Variants in HBS1L observed in about 807,000 individuals in gnomAD.
The protein encoded by HBS1L is HBS1 like translational GTPase.
A neutral mutation model predicts 88.9 loss-of-function variants in HBS1L; 55 were observed. The observed-to-expected ratio is 0.62, with a 90% confidence interval of 0.50 to 0.77. The LOEUF (loss-of-function observed/expected upper bound fraction) is 0.77, where lower values mean the gene tolerates loss of function less well. HBS1L is among the 30% of genes least tolerant of loss of function. The probability of loss-of-function intolerance (pLI) is 0.00; values close to 1 mark genes in which losing one functional copy is unlikely to be tolerated. For synonymous variants in HBS1L, 267 were observed against 288.5 expected, an observed-to-expected ratio of 0.93 and a Z score of 0.76; for missense variants, 741 against 829.3, an observed-to-expected ratio of 0.89 and a Z score of 1.31.
At chr6:135,021,813 T>G (rs530395100) in intron 4 of HBS1L, among the ~76,000 whole-genome samples, 1 of 152,330 alleles carries the variant, frequency 6.6e-6, no homozygotes, top group South Asian at 2.1e-4. Flanking sequence ...TTATTTTATA[T>G]GAGCCTCACC....
chr6:134,965,313 G>A, intron 17 of HBS1L, 23 bp from the exon 18 acceptor site: 7 of 1,419,470 alleles, frequency 4.9e-6, no homozygotes, highest in East Asian at 2.3e-5. Context: ...AAAAAAAAAA[G>A]ACATTTGCTG....
intron 3 of HBS1L, among the ~76,000 whole-genome samples, 194 bp from the exon 4 acceptor site, chr6:135,039,961 G>A (rs1412634778): frequency 1.3e-5 from 2 of 152,006 alleles, no homozygotes; most frequent in East Asian, 1.9e-4. Flanking sequence ...GAACGATTTC[G>A]TTAATTTAAA....
intron 4 of HBS1L, among the ~76,000 whole-genome samples, 168 bp from the exon 5 acceptor site, chr6:135,003,010 TTC>T (rs949087862): frequency 6.6e-6 from 1 of 152,180 alleles, no homozygotes; most frequent in Non-Finnish European, 1.5e-5. Flanking sequence ...CTGAAAGAAA[TTC>T]TGTCACTTTA....
intron 4 of HBS1L, among the ~76,000 whole-genome samples, chr6:135,038,509 C>T (rs1342181901): frequency 6.6e-6 from 1 of 152,200 alleles, no homozygotes; most frequent in East Asian, 1.9e-4. Flanking sequence ...GACTCATTCC[C>T]ATCACAGCCA....
At chr6:135,020,639 C>A (rs1311701970) in intron 4 of HBS1L, among the ~76,000 whole-genome samples, 1 of 151,918 alleles carries the variant, frequency 6.6e-6, no homozygotes, top group Non-Finnish European at 1.5e-5. Context: ...TTAAATTTAA[C>A]AATTAGTATA....
intron 2 of HBS1L, among the ~76,000 whole-genome samples, chr6:135,046,429 T>C (rs1776914268): frequency 1.3e-5 from 2 of 152,156 alleles, no homozygotes; most frequent in African/African-American, 4.8e-5. Flanking sequence ...CTTCTAATCA[T>C]ATTAGCTGAA....
intron 12 of HBS1L, among the ~76,000 whole-genome samples, chr6:134,984,619 G>A (rs566638186): frequency 7.6e-4 from 116 of 152,166 alleles, no homozygotes; most frequent in Non-Finnish European, 5.9e-5. Flanking sequence ...TTTTATTATT[G>A]TAATAATAAA....
chr6:135,019,584 T>C (rs1218567481), intron 4 of HBS1L, among the ~76,000 whole-genome samples: 1 of 151,952 alleles, frequency 6.6e-6, no homozygotes, highest in Non-Finnish European at 1.5e-5. Context: ...GGCGTAATCC[T>C]TATTTCAACC....
chr6:135,037,600 G>C, intron 4 of HBS1L: 2 of 1,547,484 alleles, frequency 1.3e-6, no homozygotes, highest in South Asian at 2.4e-5. Context: ...TATGATTATG[G>C]TCTTTAAATC....
chr6:135,045,485 T>C (rs959743266), intron 2 of HBS1L, among the ~76,000 whole-genome samples: 2 of 152,204 alleles, frequency 1.3e-5, no homozygotes, highest in African/African-American at 4.8e-5. Context: ...TCTAGGCTTC[T>C]TCCCCGGGAG....
chr6:135,054,774 C>T lies in HBS1L; in HGVS notation c.-83G>A. ...GATACTGATAAGGCGCCAACTGCAGCCTGGAGAACCCCTATGCGCCATCTT... is the reference window on the plus strand; with the variant it reads ...GATACTGATAAGGCGCCAACTGCAGTCTGGAGAACCCCTATGCGCCATCTT... On this transcript the variant is annotated 5_prime_UTR_variant, in exon 1 of 18. Transcript: ENST00000367837. 1 of 1,522,708 alleles carries T rather than the reference C, an allele frequency of 6.6e-7. No individual in the cohort carries two copies. The highest frequency in any genetic ancestry group is 9.0e-7 in the Non-Finnish European group (1 of 1,107,870). 94.3% of individuals were successfully genotyped at this position (1,522,708 alleles called of 1,614,324 possible).
intron 12 of HBS1L, among the ~76,000 whole-genome samples, chr6:134,984,306 C>T (rs1774917505): frequency 2.0e-5 from 3 of 151,902 alleles, no homozygotes. Flanking sequence ...TTTTTTTATT[C>T]ATGTGTTAAA....
chr6:135,022,306 G>T (rs545109069), intron 4 of HBS1L, among the ~76,000 whole-genome samples: 1 of 144,750 alleles, frequency 6.9e-6, no homozygotes, highest in Non-Finnish European at 1.5e-5. Context: ...CATGTGATTA[G>T]AATTTGTAAG....
At chr6:135,037,357 T>C (rs1199699275) in intron 4 of HBS1L, 4 of 1,551,570 alleles carry the variant, frequency 2.6e-6, no homozygotes, top group African/African-American at 1.4e-5. Context: ...CTGAGAAAAC[T>C]GCAAATTATC....
chr6:134,985,946 G>T, intron 11 of HBS1L, 120 bp downstream of exon 11: 1 of 629,008 alleles, frequency 1.6e-6, no homozygotes, highest in African/African-American at 1.9e-5. Context: ...AGGTAACTTA[G>T]TTCCTCCGAC....
At chr6:134,990,947 T>C (rs982048408) in intron 8 of HBS1L, among the ~76,000 whole-genome samples, 5 of 152,082 alleles carry the variant, frequency 3.3e-5, no homozygotes, top group Non-Finnish European at 7.4e-5. Flanking sequence ...GTCTCGCCCA[T>C]TAAACTATCA....
In HBS1L at chr6:135,041,998, T is replaced by C. The variant is rs1450548129; in HGVS notation, c.235+3A>G. 1.9e-6 allele frequency: 3 copies of C among 1,612,294 alleles called. No homozygotes were observed. Among genetic ancestry groups the C allele is most frequent in the Non-Finnish European group, 1.7e-6 (2 of 1,179,254 alleles). On this transcript the variant is annotated splice_donor_region_variant and intron_variant, in intron 3 of 17. Transcript: ENST00000367837. ...ATAACAGATACACTACTTTTTGCTA[T>C]ACCTTGATCAAATCCACTGAGCTGA...
chr6:135,027,430 C>T (rs1462179170), intron 4 of HBS1L, among the ~76,000 whole-genome samples: 2 of 151,964 alleles, frequency 1.3e-5, no homozygotes, highest in African/African-American at 2.4e-5. Flanking sequence ...TTCTAAAACT[C>T]TCTTGGACTC....
At chr6:134,979,067 TTTTTGGTCAAATGAAA>T (rs1486893956) in intron 14 of HBS1L, 95 bp downstream of exon 14, 1 of 746,066 alleles carries the variant, frequency 1.3e-6, no homozygotes. Context: ...CAGGTGTCTA[TTTTTGGTCAAATGAAA>T]TTCAAAATTG....
Sources: allele counts gnomAD v4.1 joint callset (sites outside exome capture counted in the v4.1 genomes callset), GRCh38; gene constraint gnomAD v4.1.1; transcripts MANE v1.5; gene names NCBI Gene and HGNC (gene_info 2026-07-23, HGNC 2026-07-21).